The following CFDP1 variants were observed in gnomAD, a reference collection of about 807,000 sequenced individuals.
The protein encoded by CFDP1 is chromatin remodeling protein CFDP1, also known as heterochromatin-stabilizing protein CFDP1.
A neutral mutation model predicts 40.1 loss-of-function variants in CFDP1; 31 were observed. The observed-to-expected ratio is 0.77, with a 90% confidence interval of 0.58 to 1.04. The LOEUF (loss-of-function observed/expected upper bound fraction) is 1.04, where lower values mean the gene tolerates loss of function less well. Among genes scored for constraint, CFDP1 ranks in the 50% least tolerant of loss-of-function variants. The pLI is 0.00. For missense variants in CFDP1, 423 were observed against 343.4 expected, an observed-to-expected ratio of 1.23 and a Z score of -1.83; for synonymous variants, 167 against 120.0, an observed-to-expected ratio of 1.39 and a Z score of -2.56.
At chr16:75,321,196 C>T (rs1183690786) in intron 5 of CFDP1, among the ~76,000 whole-genome samples, 1 of 152,138 alleles carries the variant, frequency 6.6e-6, no homozygotes, top group Non-Finnish European at 1.5e-5. Flanking sequence ...AACTCCTGGG[C>T]TCAAGGGATC....
intron 5 of CFDP1, among the ~76,000 whole-genome samples, chr16:75,306,875 G>A (rs2078260749): frequency 7.3e-6 from 1 of 137,734 alleles, no homozygotes; most frequent in African/African-American, 3.1e-5. Context: ...ATGTGCGCGT[G>A]ATCACACACA....
chr16:75,354,103 C>T (rs933416285), intron 5 of CFDP1, among the ~76,000 whole-genome samples: 2 of 152,306 alleles, frequency 1.3e-5, no homozygotes, highest in African/African-American at 2.4e-5. Context: ...AGATATTCAA[C>T]ACTTTATTAT....
At chr16:75,347,293 G>A (rs1257592907) in intron 5 of CFDP1, among the ~76,000 whole-genome samples, 1 of 137,336 alleles carries the variant, frequency 7.3e-6, no homozygotes, top group African/African-American at 2.7e-5. Context: ...ACAGTGAGCC[G>A]AGATCGGACC....
chr16:75,358,352 T>G (rs2078659751), intron 5 of CFDP1, among the ~76,000 whole-genome samples: 1 of 152,194 alleles, frequency 6.6e-6, no homozygotes, highest in Non-Finnish European at 1.5e-5. Flanking sequence ...CTCCATGTCA[T>G]TTTAGCAGCT....
intron 5 of CFDP1, among the ~76,000 whole-genome samples, chr16:75,361,197 G>A (rs189156597): frequency 3.9e-5 from 6 of 152,198 alleles, no homozygotes; most frequent in Non-Finnish European, 7.4e-5. Context: ...TTTTAGTAGC[G>A]ATGGGGTTTT....
intron 1 of CFDP1, among the ~76,000 whole-genome samples, chr16:75,423,986 G>A (rs1419811984): frequency 3.9e-5 from 6 of 152,130 alleles, no homozygotes; most frequent in Non-Finnish European, 8.8e-5. Context: ...CTGACCAAGT[G>A]AGCTGTCTCC....
chr16:75,388,893 A>T (rs1238697076), intron 5 of CFDP1, among the ~76,000 whole-genome samples: 1 of 148,572 alleles, frequency 6.7e-6, no homozygotes, highest in East Asian at 2.0e-4. Context: ...ATCACCTATG[A>T]TGTTGTTTGA....
At chr16:75,393,617 G>C (rs1184702822) in intron 5 of CFDP1, among the ~76,000 whole-genome samples, 1 of 151,126 alleles carries the variant, frequency 6.6e-6, no homozygotes, top group African/African-American at 2.4e-5. Context: ...TGTAGTCCCA[G>C]CTACTCGGGA....
chr16:75,416,498 C>G (rs564778922), intron 1 of CFDP1, among the ~76,000 whole-genome samples: 34 of 150,474 alleles, frequency 2.3e-4, no homozygotes, highest in African/African-American at 7.3e-4. Context: ...CAGTGGCTCA[C>G]GCCTATAATC....
rs116600662 is a variant in CFDP1 at position 75,395,894 on chromosome 16, A to T, written c.531-685T>A. On this transcript the variant is annotated intron_variant, in intron 4 of 6. Coordinates refer to ENST00000283882, the MANE Select transcript of CFDP1 (RefSeq NM_006324.3). ...AACTGAGTCCTAAAGGTTCAAATAA[A>T]GGTGTTTATGGTACCTGAGAATTCA... Among the ~76,000 whole-genome samples the T allele has an allele frequency of 1.3e-3, 198 of 150,232 alleles. 1 individual carries two copies. The highest frequency in any genetic ancestry group is 4.7e-3 in the African/African-American group (195 of 41,118).
intron 5 of CFDP1, among the ~76,000 whole-genome samples, chr16:75,335,404 AT>A (rs775754139): frequency 2.0e-4 from 30 of 152,120 alleles, no homozygotes; most frequent in African/African-American, 6.5e-4. Flanking sequence ...TTCCCACCAA[AT>A]TATTTTTTCT....
intron 6 of CFDP1, among the ~76,000 whole-genome samples, chr16:75,298,670 T>C (rs940946224): frequency 3.9e-5 from 6 of 152,022 alleles, no homozygotes; most frequent in African/African-American, 1.2e-4. Context: ...AGAAATGCAG[T>C]TGAAAGAAGC....
At chr16:75,338,670 C>A (rs920956776) in intron 5 of CFDP1, among the ~76,000 whole-genome samples, 2 of 151,828 alleles carry the variant, frequency 1.3e-5, no homozygotes, top group Non-Finnish European at 2.9e-5. Flanking sequence ...TCTTTTTGAT[C>A]CCCCCCTTTC....
intron 4 of CFDP1, chr16:75,409,531 A>AG (rs2079137285): frequency 6.6e-6 from 1 of 152,154 alleles, no homozygotes; most frequent in East Asian, 1.9e-4. Context: ...TGTTTTTAGA[A>AG]AAGTACTGGT....
At chr16:75,430,139 T>TA (rs1489779518) in intron 1 of CFDP1, among the ~76,000 whole-genome samples, 1 of 150,742 alleles carries the variant, frequency 6.6e-6, no homozygotes, top group Non-Finnish European at 1.5e-5. Flanking sequence ...TGGGTTAAGA[T>TA]AGAGGTTGTG....
rs1000899565 is a variant in CFDP1, at chr16:75,433,204, G to A, written c.64+85C>T. 2.9e-6 allele frequency: 4 copies of A among 1,358,204 alleles called. No individual in the cohort carries two copies. The African/African-American group carries it at 5.7e-5, about 20-fold the overall frequency. 84.1% of individuals were successfully genotyped at this position (1,358,204 alleles called of 1,614,324 possible). A position where few individuals can be genotyped will look rare whatever the true frequency, so the allele number is the denominator to read the frequency against. On this transcript the variant is annotated intron_variant, in intron 1 of 6. Transcript: ENST00000283882. Reference sequence around the variant, plus strand: ...CCCCCCTGGACCACCTGGGCCACAGGGCAGACGCCCGCGGGGGCAGAGCGC... The same window carrying A: ...CCCCCCTGGACCACCTGGGCCACAGAGCAGACGCCCGCGGGGGCAGAGCGC...
chr16:75,300,557 G>A (rs2151498359), intron 6 of CFDP1, among the ~76,000 whole-genome samples: 1 of 152,220 alleles, frequency 6.6e-6, no homozygotes, highest in East Asian at 1.9e-4. Context: ...AAAGTGTTGG[G>A]ATTACAGGCG....
chr16:75,330,694 G>A (rs1763707786), intron 5 of CFDP1, among the ~76,000 whole-genome samples: 1 of 152,020 alleles, frequency 6.6e-6, no homozygotes, highest in Non-Finnish European at 1.5e-5. Flanking sequence ...CTCTTCCTTA[G>A]GAAAAAACAC....
At chr16:75,416,740 C>T (rs947832174) in intron 1 of CFDP1, among the ~76,000 whole-genome samples, 1 of 151,906 alleles carries the variant, frequency 6.6e-6, no homozygotes, top group Admixed American at 6.6e-5. Flanking sequence ...AGAGCAAGAC[C>T]CTGTCTCAAA....
Sources: allele counts gnomAD v4.1 joint callset (sites outside exome capture counted in the v4.1 genomes callset), GRCh38; gene constraint gnomAD v4.1.1; transcripts MANE v1.5; gene names NCBI Gene and HGNC (gene_info 2026-07-23, HGNC 2026-07-21).